The following CRABP2 variants were observed in gnomAD, a reference collection of about 807,000 sequenced individuals.
CRABP2 encodes the protein cellular retinoic acid-binding protein 2.
In CRABP2, 20 loss-of-function variants were observed where a neutral mutation model predicts 17.9. That is an observed-to-expected ratio of 1.12 (90% CI 0.79 to 1.63). The LOEUF (loss-of-function observed/expected upper bound fraction) is 1.63, where lower values mean the gene tolerates loss of function less well. Among genes scored for constraint, CRABP2 ranks in the 40% most tolerant of loss-of-function variants. The pLI is 0.00. For missense variants in CRABP2, 151 were observed against 168.6 expected (o/e 0.90, Z 0.58); for synonymous variants, 76 against 66.4 (o/e 1.14, Z -0.70).
rs1026516658 is a variant in CRABP2 at position 156,705,256 on chromosome 1, C to T, written c.70+121G>A. 1 of 1,102,452 alleles carries T rather than the reference C, an allele frequency of 9.1e-7. No individual in the cohort carries two copies. The highest frequency in any genetic ancestry group is 1.4e-6 in the Non-Finnish European group (1 of 732,278). 68.3% of individuals were successfully genotyped at this position (1,102,452 alleles called of 1,614,324 possible). On this transcript the variant is annotated intron_variant, in intron 1 of 3. Transcript: ENST00000368222. The surrounding 1 kb of genome is among the most constrained non-coding windows in gnomAD (Gnocchi z 5.2). ...GGACCCGGACGCCTGGCACGTTTTT[C>T]GGGGATGCAGGCACCCAGTGTCTCA...
At chr1:156,703,994 A>G (rs1450264378) in intron 1 of CRABP2, among the ~76,000 whole-genome samples, 3 of 152,182 alleles carry the variant, frequency 2.0e-5, no homozygotes, top group African/African-American at 7.2e-5. Context: ...TGCAGGGAGG[A>G]CAAACAGACT....
chr1:156,705,556 A>C lies in CRABP2; in HGVS notation c.-110T>G. The C allele has an allele frequency of 8.1e-7, 1 of 1,229,622 alleles. No individual in the cohort carries two copies. The highest frequency in any genetic ancestry group is 1.2e-6 in the Non-Finnish European group (1 of 850,946). 76.2% of individuals were successfully genotyped at this position (1,229,622 alleles called of 1,614,324 possible). A position where few individuals can be genotyped will look rare whatever the true frequency, so the allele number is the denominator to read the frequency against. ...GCCGGGTCGTCAGGTTCTGGAACCAAGACAAGTCCAGGGACAACCCCAAAG... is the reference window on the plus strand; with the variant it reads ...GCCGGGTCGTCAGGTTCTGGAACCACGACAAGTCCAGGGACAACCCCAAAG... On this transcript the variant is annotated 5_prime_UTR_variant, in exon 1 of 4. Transcript: ENST00000368222. The surrounding 1 kb of genome is among the most constrained non-coding windows in gnomAD (Gnocchi z 5.2).
At chr1:156,702,664 C>G (rs1429640406) in intron 1 of CRABP2, among the ~76,000 whole-genome samples, 3 of 147,802 alleles carry the variant, frequency 2.0e-5, no homozygotes, top group African/African-American at 7.5e-5. Flanking sequence ...CCCAGCTGCT[C>G]GGGAGGCTGA....
Position 156,699,934 on chromosome 1 carries a change from C to G in CRABP2, c.*92G>C, listed in dbSNP as rs114386049. ...TGACTGGGGTAAGGGGAGCGCTATCCTAGAAGGAGGGGGTGGGACGGAGGG... is the reference window on the plus strand; with the variant it reads ...TGACTGGGGTAAGGGGAGCGCTATCGTAGAAGGAGGGGGTGGGACGGAGGG... On this transcript the variant is annotated 3_prime_UTR_variant, in exon 4 of 4. Coordinates refer to ENST00000368222, the MANE Select transcript of CRABP2 (RefSeq NM_001878.4). The G allele has an allele frequency of 2.4e-3, 3,351 of 1,382,206 alleles. 62 individuals are homozygous for G. In the African/African-American group the frequency reaches 0.042, roughly 17 times the overall value. The allele number at this position is 1,382,206 out of a possible 1,614,324, so 85.6% of individuals were successfully genotyped here.
Position 156,705,229 on chromosome 1 carries a change from C to T in CRABP2, c.70+148G>A, listed in dbSNP as rs1648159461. On this transcript the variant is annotated intron_variant, in intron 1 of 3. Transcript: ENST00000368222. This position sits in a 1 kb window ranked among gnomAD's most constrained non-coding sequence, Gnocchi z 5.2. ...GATTTAGGCGTCGTGCCCAGAGCCCCGGGACCCGGACGCCTGGCACGTTTT... is the reference window on the plus strand; with the variant it reads ...GATTTAGGCGTCGTGCCCAGAGCCCTGGGACCCGGACGCCTGGCACGTTTT... The T allele has an allele frequency of 2.3e-6, 2 of 860,990 alleles. No individual in the cohort carries two copies. Among genetic ancestry groups the T allele is most frequent in the South Asian group, 1.5e-5 (1 of 65,442 alleles). The allele number at this position is 860,990 out of a possible 1,614,324, so 53.3% of individuals were successfully genotyped here.
chr1:156,700,752 C>A, intron 2 of CRABP2, 94 bp from the exon 3 acceptor site: 1 of 1,513,334 alleles, frequency 6.6e-7, no homozygotes, highest in Non-Finnish European at 9.1e-7. Flanking sequence ...GCCCCCACCA[C>A]CACCTAGGGA....
At chr1:156,704,823 G>A (rs547594682) in intron 1 of CRABP2, among the ~76,000 whole-genome samples, 2 of 152,016 alleles carry the variant, frequency 1.3e-5, no homozygotes, top group African/African-American at 4.8e-5. Flanking sequence ...AGAGTGGAAA[G>A]TGCAGAGGGG....
At chr1:156,703,007 G>A (rs1648085984) in intron 1 of CRABP2, among the ~76,000 whole-genome samples, 1 of 147,310 alleles carries the variant, frequency 6.8e-6, no homozygotes, top group African/African-American at 2.5e-5. Context: ...GACTAGATTG[G>A]GCAACACAGT....
chr1:156,702,201 C>T (rs1648057143), intron 1 of CRABP2, among the ~76,000 whole-genome samples: 1 of 152,008 alleles, frequency 6.6e-6, no homozygotes, highest in Admixed American at 6.6e-5. Context: ...GCCTGTAATC[C>T]CAGCACTTTG....
chr1:156,701,965 C>G (rs1205446372), intron 1 of CRABP2, among the ~76,000 whole-genome samples: 4 of 151,586 alleles, frequency 2.6e-5, no homozygotes, highest in Non-Finnish European at 5.9e-5. Context: ...ATGCTGAAAC[C>G]CCGACTCTAC....
chr1:156,705,453 G>C lies in CRABP2; in HGVS notation c.-7C>G, dbSNP rs780773653. 1.9e-6 allele frequency: 3 copies of C among 1,613,918 alleles called. No homozygotes were observed. The highest frequency in any genetic ancestry group is 1.3e-5 in the African/African-American group (1 of 74,908). On this transcript the variant is annotated 5_prime_UTR_variant, in exon 1 of 4. Transcript: ENST00000368222. The surrounding 1 kb of genome is among the most constrained non-coding windows in gnomAD (Gnocchi z 5.2). ...TGCCAGAGAAGTTGGGCATGGTGGC[G>C]GCGCGGGAGGCGGTCCCCGTAGACT...
At position 156,699,977 on chromosome 1, in the gene CRABP2, G is replaced by C; in HGVS notation, c.*49C>G. On this transcript the variant is annotated 3_prime_UTR_variant, in exon 4 of 4. Transcript: ENST00000368222. ...ACGGAGGGGGCAGTGAAGCAGGGCG[G>C]TGAGCATGGCCAGTGGTGGGCTTCG... The C allele has an allele frequency of 6.3e-7, 1 of 1,590,854 alleles. No individual in the cohort carries two copies. The highest frequency in any genetic ancestry group is 8.6e-7 in the Non-Finnish European group (1 of 1,166,074).
intron 1 of CRABP2, among the ~76,000 whole-genome samples, chr1:156,703,271 C>T (rs192115449): frequency 3.2e-4 from 48 of 152,278 alleles, no homozygotes; most frequent in African/African-American, 1.1e-3. Context: ...CATTCAGCCT[C>T]GTGGATTCAG....
At position 156,701,976 on chromosome 1, in the gene CRABP2, C is replaced by CA. The variant is rs1331183742; in HGVS notation, c.71-925dup. Among the ~76,000 whole-genome samples, 895 of 132,510 alleles carry CA rather than the reference C, an allele frequency of 6.8e-3. 3 individuals are homozygous for CA. The highest frequency in any genetic ancestry group is 0.045 in the Middle Eastern group (12 of 266). 86.9% of individuals were successfully genotyped at this position (132,510 alleles called of 152,430 possible). ...CAACATGCTGAAACCCCGACTCTACCAAAAAAAAAAAAAAGCCAGGGCTGG... is the reference window on the plus strand; with the variant it reads ...CAACATGCTGAAACCCCGACTCTACCAAAAAAAAAAAAAAAGCCAGGGCTGG... On this transcript the variant is annotated intron_variant, in intron 1 of 3. Transcript: ENST00000368222.
chr1:156,700,526 A>G lies in CRABP2; in HGVS notation c.366+16T>C, dbSNP rs569610101. On this transcript the variant is annotated intron_variant, in intron 3 of 3. Transcript: ENST00000368222. ...AGCACTGGGTTTGCTATTAGTGGGG[A>G]GGAGGCAGGACTTACCAGGATCAGT... The G allele has an allele frequency of 6.3e-7, 1 of 1,593,468 alleles. No homozygotes were observed. Among genetic ancestry groups the G allele is most frequent in the East Asian group, 2.2e-5 (1 of 44,772 alleles).
chr1:156,703,791 G>T (rs1216381620), intron 1 of CRABP2, among the ~76,000 whole-genome samples: 3 of 152,214 alleles, frequency 2.0e-5, no homozygotes, highest in African/African-American at 7.2e-5. Flanking sequence ...AGAGGGGTGT[G>T]CCAGGACCGA....
chr1:156,704,992 C>T (rs1246082974), intron 1 of CRABP2, among the ~76,000 whole-genome samples: 1 of 152,124 alleles, frequency 6.6e-6, no homozygotes, highest in Non-Finnish European at 1.5e-5. Context: ...GGTAGGGAAC[C>T]GGGCTCCCAG....
upstream of CRABP2, chr1:156,705,653 C>T (rs1217889887): frequency 4.1e-6 from 2 of 491,256 alleles, no homozygotes; most frequent in South Asian, 3.6e-5. The surrounding 1 kb of genome is among the most constrained non-coding windows in gnomAD (Gnocchi z 5.2). Context: ...TTGAAGTGGC[C>T]CCGCCTCCCG....
chr1:156,703,228 A>G (rs1648092575), intron 1 of CRABP2, among the ~76,000 whole-genome samples: 1 of 151,558 alleles, frequency 6.6e-6, no homozygotes, highest in East Asian at 1.9e-4. Context: ...CTTCTTCAGG[A>G]CCCCCCACTC....
Sources: gnomAD v4.1 joint callset for allele counts (sites outside exome capture counted in the v4.1 genomes callset) on GRCh38, gnomAD v4.1.1 for gene constraint, Gnocchi (gnomAD v3.1) non-coding constraint, MANE v1.5 for transcripts, NCBI Gene and HGNC (gene_info 2026-07-23, HGNC 2026-07-21) for gene names.